Variants in KAZN observed in about 807,000 individuals in gnomAD.
The protein encoded by KAZN is kazrin.
Under a neutral mutation model 87.4 loss-of-function variants are expected in KAZN, and 40 were observed. The ratio of observed to expected loss-of-function variants is 0.46; its 90% CI spans 0.36 to 0.60. The LOEUF (loss-of-function observed/expected upper bound fraction) is 0.60, where lower values mean the gene tolerates loss of function less well. KAZN is among the 20% of genes least tolerant of loss of function. KAZN has a pLI of 0.00. For synonymous variants in KAZN, 466 were observed against 458.3 expected (o/e 1.02, Z -0.22); for missense variants, 898 against 1,073.9 (o/e 0.84, Z 2.29).
chr1:14,609,751 C>G (rs1677666984), intron 1 of KAZN, among the ~76,000 whole-genome samples: 2 of 152,238 alleles, frequency 1.3e-5, no homozygotes, highest in African/African-American at 4.8e-5. Context: ...CCCAGTGGAC[C>G]CTTCCAAGTG....
chr1:14,419,930 G>C (rs72870846), intron 2 of KAZN, among the ~76,000 whole-genome samples: 3 of 152,212 alleles, frequency 2.0e-5, no homozygotes, highest in Admixed American at 6.5e-5. Flanking sequence ...AAGAGCGAAA[G>C]AACAAAACTT....
At chr1:14,128,993 A>G (rs1644934065) in intron 1 of KAZN, among the ~76,000 whole-genome samples, 1 of 152,208 alleles carries the variant, frequency 6.6e-6, no homozygotes, top group South Asian at 2.1e-4. Flanking sequence ...TAAGCCTAGC[A>G]GGTAATAAAG....
chr1:14,868,804 A>G (rs988824345), intron 1 of KAZN, among the ~76,000 whole-genome samples: 1 of 151,992 alleles, frequency 6.6e-6, no homozygotes, highest in Non-Finnish European at 1.5e-5. Context: ...TGATCATGCC[A>G]CTGCACTCCA....
intron 1 of KAZN, among the ~76,000 whole-genome samples, chr1:14,901,120 A>G (rs1655832920): frequency 6.6e-6 from 1 of 152,222 alleles, no homozygotes; most frequent in Non-Finnish European, 1.5e-5. Flanking sequence ...GGGAAGCATC[A>G]GTGCTATGAC....
intron 2 of KAZN, among the ~76,000 whole-genome samples, chr1:14,363,004 T>C (rs1199357836): frequency 6.6e-6 from 1 of 152,186 alleles, no homozygotes; most frequent in East Asian, 1.9e-4. Flanking sequence ...GCCCATGCTG[T>C]ATCTCACCTC....
intron 1 of KAZN, among the ~76,000 whole-genome samples, chr1:14,068,475 A>G (rs1469784067): frequency 6.6e-6 from 1 of 152,176 alleles, no homozygotes; most frequent in Non-Finnish European, 1.5e-5. Flanking sequence ...GAGTTTAAAA[A>G]AAGTCTGCAG....
chr1:14,688,446 G>A (rs762694211), intron 1 of KAZN, among the ~76,000 whole-genome samples: 5 of 152,192 alleles, frequency 3.3e-5, no homozygotes, highest in African/African-American at 7.2e-5. Flanking sequence ...CACTCATCAC[G>A]TGCCCGGCAG....
At chr1:14,550,700 C>CTT (rs1673443375) in intron 2 of KAZN, among the ~76,000 whole-genome samples, 2 of 113,240 alleles carry the variant, frequency 1.8e-5, no homozygotes, top group African/African-American at 6.4e-5. Context: ...CCTCTCTCCT[C>CTT]TTTTCTCTCT....
At chr1:14,985,039 A>G (rs968102845) in intron 2 of KAZN, among the ~76,000 whole-genome samples, 4 of 151,784 alleles carry the variant, frequency 2.6e-5, no homozygotes, top group Admixed American at 6.6e-5. Flanking sequence ...AGGAGGCTGA[A>G]GCAGAAGAAT....
At chr1:15,000,703 T>C (rs1437323737) in intron 2 of KAZN, among the ~76,000 whole-genome samples, 2 of 151,928 alleles carry the variant, frequency 1.3e-5, no homozygotes. Context: ...ACAAAATTAC[T>C]CAGCCGTGTA....
intron 2 of KAZN, among the ~76,000 whole-genome samples, chr1:14,576,851 A>G (rs1675223286): frequency 6.6e-6 from 1 of 152,356 alleles, no homozygotes; most frequent in East Asian, 1.9e-4. Context: ...AAGGTGTCCA[A>G]TGGGAAAAGT....
At chr1:14,183,172 T>G (rs1026533307) in intron 2 of KAZN, among the ~76,000 whole-genome samples, 2 of 152,172 alleles carry the variant, frequency 1.3e-5, no homozygotes, top group African/African-American at 4.8e-5. Context: ...TAAATCCTGC[T>G]TAGGAGAACG....
intron 1 of KAZN, among the ~76,000 whole-genome samples, chr1:14,662,917 CAT>C (rs1445974138): frequency 2.8e-5 from 4 of 145,422 alleles, no homozygotes; most frequent in African/African-American, 1.0e-4. Context: ...TATATATACA[CAT>C]ATATATGTAT....
intron 1 of KAZN, among the ~76,000 whole-genome samples, chr1:14,066,020 C>T (rs1020836827): frequency 6.6e-6 from 1 of 152,126 alleles, no homozygotes; most frequent in Non-Finnish European, 1.5e-5. Flanking sequence ...GTCCATTATA[C>T]CACTCCGTAT....
chr1:14,680,610 C>T (rs1018790858), intron 1 of KAZN, among the ~76,000 whole-genome samples: 3 of 152,178 alleles, frequency 2.0e-5, no homozygotes, highest in African/African-American at 7.2e-5. Flanking sequence ...TGTCCCTCCC[C>T]TTGCCTCCCA....
chr1:14,239,801 T>G (rs1328655583), intron 2 of KAZN, among the ~76,000 whole-genome samples: 1 of 151,730 alleles, frequency 6.6e-6, no homozygotes, highest in African/African-American at 2.4e-5. Context: ...ACCAACTGAG[T>G]GTGATTTTGC....
At chr1:14,016,203 A>G (rs1000057134) in intron 1 of KAZN, among the ~76,000 whole-genome samples, 5 of 152,144 alleles carry the variant, frequency 3.3e-5, no homozygotes, top group African/African-American at 9.7e-5. Context: ...GTGTTAAATA[A>G]AAAGGACAAT....
intron 1 of KAZN, among the ~76,000 whole-genome samples, chr1:13,993,155 C>A (rs901766115): frequency 1.3e-5 from 2 of 152,206 alleles, no homozygotes; most frequent in African/African-American, 2.4e-5. Flanking sequence ...TCTTTTCCCT[C>A]TCCCATGGGC....
chr1:14,286,237 G>A (rs182977364), intron 2 of KAZN, among the ~76,000 whole-genome samples: 90 of 151,652 alleles, frequency 5.9e-4, no homozygotes, highest in African/African-American at 1.5e-3. Context: ...CATTCTCCCC[G>A]TGTCTACACA....
Sources: allele counts gnomAD v4.1 joint callset (sites outside exome capture counted in the v4.1 genomes callset), GRCh38; gene constraint gnomAD v4.1.1; transcripts MANE v1.5; gene names NCBI Gene and HGNC (gene_info 2026-07-23, HGNC 2026-07-21).